The following ATP6V0A2 variants were observed in gnomAD, a reference collection of about 807,000 sequenced individuals.
The protein encoded by ATP6V0A2 is V-type proton ATPase 116 kDa subunit a 2.
Under a neutral mutation model 104.4 loss-of-function variants are expected in ATP6V0A2, and 58 were observed. The ratio of observed to expected loss-of-function variants is 0.56; its 90% CI spans 0.45 to 0.69. The LOEUF is 0.69. Ranked by LOEUF, ATP6V0A2 falls within the 30% of genes least tolerant of loss-of-function variation. ATP6V0A2 has a pLI of 0.00. For missense variants in ATP6V0A2, 938 were observed against 1,062.9 expected, an observed-to-expected ratio of 0.88 and a Z score of 1.63; for synonymous variants, 376 against 397.9, an observed-to-expected ratio of 0.95 and a Z score of 0.65.
At chr12:123,746,289 A>G (rs775703124) in intron 13 of ATP6V0A2, among the ~76,000 whole-genome samples, 1 of 152,088 alleles carries the variant, frequency 6.6e-6, no homozygotes, top group African/African-American at 2.4e-5. Context: ...AATTTGGTTC[A>G]AAAGTAAACC....
chr12:123,736,293 G>A lies in ATP6V0A2; in HGVS notation c.825+669G>A, dbSNP rs201837070. On this transcript the variant is annotated intron_variant, in intron 8 of 19. Coordinates refer to ENST00000330342, the MANE Select transcript of ATP6V0A2 (RefSeq NM_012463.4). ...TGCAATCTCTGCTTCCCAGGTTCAA[G>A]CAATTCTCCTGCCTCAGCCTCCCAA... Among the ~76,000 whole-genome samples the A allele has an allele frequency of 4.7e-5, 7 of 149,048 alleles. No homozygotes were observed. In the East Asian group the frequency reaches 1.2e-3, roughly 25 times the overall value.
rs745924286 is a variant in ATP6V0A2 at position 123,737,196 on chromosome 12, C to A, written c.963C>A (p.Asn321Lys). 43 of 1,614,084 alleles carry A rather than the reference C, an allele frequency of 2.7e-5. No homozygotes were observed. Among genetic ancestry groups the A allele is most frequent in the Middle Eastern group, 1.6e-4 (1 of 6,084 alleles). Residue 321 changes from asparagine to lysine, a missense_variant, in exon 9 of 20, where the codon AAC (asparagine) becomes AAA (lysine). By Grantham distance (94) the Asn-to-Lys change is moderately conservative. Coordinates refer to ENST00000330342, the MANE Select transcript of ATP6V0A2 (RefSeq NM_012463.4). ...MLNMCSFDVT[N>K]KCLIAEVWCP... ...ACATGTGCAGCTTTGACGTGACCAA[C>A]AAGTGCCTCATTGCTGAGGTCTGGT...
chr12:123,747,918 C>T (rs1011989149), intron 14 of ATP6V0A2, among the ~76,000 whole-genome samples, 193 bp downstream of exon 14: 12 of 151,982 alleles, frequency 7.9e-5, no homozygotes, highest in Non-Finnish European at 1.5e-4. Flanking sequence ...ATTTATCGAG[C>T]GCATAGTAGT....
At chr12:123,739,981 A>G (rs1056287269) in intron 9 of ATP6V0A2, among the ~76,000 whole-genome samples, 4 of 152,036 alleles carry the variant, frequency 2.6e-5, no homozygotes, top group Non-Finnish European at 5.9e-5. Flanking sequence ...CCTGGGCAAC[A>G]TGGTTAAACC....
intron 3 of ATP6V0A2, 111 bp from the exon 4 acceptor site, chr12:123,724,540 AAAG>A: frequency 4.0e-5 from 49 of 1,212,848 alleles, no homozygotes; most frequent in Middle Eastern, 5.6e-4. Flanking sequence ...AAAAAAAAAA[AAAG>A]AAAAAAACAA....
At chr12:123,714,636 C>A (rs940712278) in intron 1 of ATP6V0A2, among the ~76,000 whole-genome samples, 41 of 152,130 alleles carry the variant, frequency 2.7e-4, no homozygotes, top group African/African-American at 9.7e-4. Context: ...ACAAACAGCA[C>A]CAGATCTCCT....
Position 123,759,125 on chromosome 12 carries a change from G to A in ATP6V0A2, c.*1093G>A, listed in dbSNP as rs552591427. On this transcript the variant is annotated 3_prime_UTR_variant, in exon 20 of 20. Coordinates refer to ENST00000330342, the MANE Select transcript of ATP6V0A2 (RefSeq NM_012463.4). Reference sequence around the variant, plus strand: ...CAGCTTGGCTGATGTCACTGAACCAGAAGGGTTTATACTGAGTGAAGGAAA... The same window carrying A: ...CAGCTTGGCTGATGTCACTGAACCAAAAGGGTTTATACTGAGTGAAGGAAA... The A allele has an allele frequency of 6.5e-6, 1 of 152,748 alleles. No homozygotes were observed. Among genetic ancestry groups the A allele is most frequent in the East Asian group, 1.9e-4 (1 of 5,186 alleles). 9.5% of individuals were successfully genotyped at this position (152,748 alleles called of 1,614,324 possible). A position where few individuals can be genotyped will look rare whatever the true frequency, so the allele number is the denominator to read the frequency against.
chr12:123,754,948 G>T (rs2135921398), intron 18 of ATP6V0A2, among the ~76,000 whole-genome samples: 1 of 152,306 alleles, frequency 6.6e-6, no homozygotes, highest in African/African-American at 2.4e-5. Flanking sequence ...AGCAAGTCCT[G>T]CCACAGCACT....
intron 6 of ATP6V0A2, among the ~76,000 whole-genome samples, chr12:123,728,868 A>G (rs10773027): frequency 0.08 from 2,438 of 30,328 alleles, 97 homozygotes; most frequent in Admixed American, 0.21. Context: ...GGTCATGGTC[A>G]CTCTGATCAC....
intron 18 of ATP6V0A2, 140 bp from the exon 19 acceptor site, chr12:123,756,675 G>T: frequency 1.2e-6 from 1 of 811,146 alleles, no homozygotes; most frequent in Non-Finnish European, 2.0e-6. Context: ...AGAAACAGTT[G>T]GGTCTGTGTT....
In ATP6V0A2 at chr12:123,712,559, G is replaced by A. The variant is rs1426741906; in HGVS notation, c.-7G>A. On this transcript the variant is annotated 5_prime_UTR_variant, in exon 1 of 20. Transcript: ENST00000330342. ...ATCGAGCCCCTCCGGGCGCGGGTCGGCCCGCCATGGGGTCCCTGTTCCGGA... is the reference window on the plus strand; with the variant it reads ...ATCGAGCCCCTCCGGGCGCGGGTCGACCCGCCATGGGGTCCCTGTTCCGGA... 2 of 1,574,240 alleles carry A rather than the reference G, an allele frequency of 1.3e-6. No individual in the cohort carries two copies.
rs1366106174 is a variant in ATP6V0A2, at chr12:123,743,877, G to C, written c.1131G>C (p.Glu377Asp). The change falls in exon 10 of 20, where the codon GAG (glutamate) becomes GAC (aspartate). Residue 377 changes from glutamate to aspartate, a missense_variant. Coordinates refer to ENST00000330342, the MANE Select transcript of ATP6V0A2 (RefSeq NM_012463.4). ...GGATCCGCACCAACAAATTCACCGA[G>C]GGATTTCAGAACATCGTGGATGCTT... ...PTRIRTNKFT[E>D]GFQNIVDAYG... is the part of the protein sequence containing the mutation. 1 of 1,614,006 alleles carries C rather than the reference G, an allele frequency of 6.2e-7. No homozygotes were observed. The highest frequency in any genetic ancestry group is 1.3e-5 in the African/African-American group (1 of 74,880).
At chr12:123,718,581 A>T (rs763906254) in intron 1 of ATP6V0A2, 42 bp from the exon 2 acceptor site, 1 of 1,444,992 alleles carries the variant, frequency 6.9e-7, no homozygotes, top group East Asian at 2.3e-5. Context: ...AAGTATTTTT[A>T]AATTTTAGAA....
chr12:123,754,151 G>T, intron 17 of ATP6V0A2: 1 of 574,502 alleles, frequency 1.7e-6, no homozygotes, highest in Non-Finnish European at 3.1e-6. Context: ...TACCTTCTTG[G>T]TTTACACAGG....
rs1198761421 is a variant in ATP6V0A2 at position 123,760,942 on chromosome 12, T to C, written c.*2910T>C. 27 of 152,262 alleles carry C rather than the reference T, an allele frequency of 1.8e-4. No individual in the cohort carries two copies. Among genetic ancestry groups the C allele is most frequent in the Admixed American group, 1.8e-3 (27 of 15,290 alleles). 9.4% of individuals were successfully genotyped at this position (152,262 alleles called of 1,614,324 possible). On this transcript the variant is annotated 3_prime_UTR_variant, in exon 20 of 20. Transcript: ENST00000330342. The stretch of plus-strand genomic sequence containing the variant: ...TTTTTTTTGAGACAGTGTCTCACTC[T>C]GTCACCTAGGCTGAAGTGCAGTGGT...
At chr12:123,749,449 T>G (rs1956693921) in intron 15 of ATP6V0A2, among the ~76,000 whole-genome samples, 1 of 152,206 alleles carries the variant, frequency 6.6e-6, no homozygotes. Context: ...GCTGTCACAG[T>G]GGGCTCTAAG....
In ATP6V0A2 at chr12:123,752,360, T is replaced by C; in HGVS notation, c.2133T>C (p.Asn711=). 1 of 1,614,012 alleles carries C rather than the reference T, an allele frequency of 6.2e-7. No individual in the cohort carries two copies. Among genetic ancestry groups the C allele is most frequent in the Non-Finnish European group, 8.5e-7 (1 of 1,179,958 alleles). The change falls in exon 17 of 20, where the codon AAT becomes AAC. Residue 711 remains asparagine, a synonymous_variant. Coordinates refer to ENST00000330342, the MANE Select transcript of ATP6V0A2 (RefSeq NM_012463.4). ...LLGSQDIEEG[N]HQVEDGCREM... Reference sequence around the variant, plus strand: ...GAAGCCAAGATATAGAAGAGGGAAATCACCAGGTGGAAGATGGATGTAGAG... The same window carrying C: ...GAAGCCAAGATATAGAAGAGGGAAACCACCAGGTGGAAGATGGATGTAGAG...
Position 123,723,002 on chromosome 12 carries a change from A to C in ATP6V0A2, c.294+554A>C, listed in dbSNP as rs148890587. Among the ~76,000 whole-genome samples, 599 of 152,150 alleles carry C rather than the reference A, an allele frequency of 3.9e-3. 2 individuals are homozygous for C. The highest frequency in any genetic ancestry group is 0.014 in the African/African-American group (578 of 41,514). On this transcript the variant is annotated intron_variant, in intron 3 of 19. Transcript: ENST00000330342. ...GGGGATACATGTGTCCCCGGTGAGA[A>C]CACTCACCTGTGCTGCTTATTAGCA...
Position 123,718,695 on chromosome 12 carries a change from A to C in ATP6V0A2, c.190A>C (p.Ile64Leu). The C allele has an allele frequency of 6.2e-7, 1 of 1,609,030 alleles. No homozygotes were observed. Among genetic ancestry groups the C allele is most frequent in the Non-Finnish European group, 8.5e-7 (1 of 1,176,528 alleles). The change falls in exon 2 of 20, where the codon ATA becomes CTA. Residue 64 changes from isoleucine (I) to leucine (L), a missense_variant. By Grantham distance (5) the Ile-to-Leu change is conservative. Coordinates refer to ENST00000330342, the MANE Select transcript of ATP6V0A2 (RefSeq NM_012463.4). ...EVKRCEELER[I>L]LVYLVQEINR... ...GAAGAGGTGTGAAGAGCTAGAGCGAATATTGGGTAAGTTTATTTTCTGATT... is the reference window on the plus strand; with the variant it reads ...GAAGAGGTGTGAAGAGCTAGAGCGACTATTGGGTAAGTTTATTTTCTGATT...
Sources: allele counts gnomAD v4.1 joint callset (sites outside exome capture counted in the v4.1 genomes callset), GRCh38; gene constraint gnomAD v4.1.1; transcripts MANE v1.5; gene names NCBI Gene and HGNC (gene_info 2026-07-23, HGNC 2026-07-21).